DTNA: variants seen among roughly 807,000 people sequenced by gnomAD.
DTNA encodes the protein dystrophin-related protein 3.
Under a neutral mutation model 100.7 loss-of-function variants are expected in DTNA, and 43 were observed. The ratio of observed to expected loss-of-function variants is 0.43; its 90% CI spans 0.33 to 0.55. The LOEUF is 0.55. Among genes scored for constraint, DTNA ranks in the 20% least tolerant of loss-of-function variants. The pLI, the probability that DTNA is intolerant of heterozygous loss-of-function variation, is 0.04. For synonymous variants in DTNA, 349 were observed against 347.9 expected (o/e 1.00, Z -0.04); for missense variants, 798 against 953.9 (o/e 0.84, Z 2.15).
chr18:34,532,371 C>T (rs1229548155), intron 1 of DTNA, among the ~76,000 whole-genome samples: 7 of 152,032 alleles, frequency 4.6e-5, no homozygotes, highest in African/African-American at 1.7e-4. Flanking sequence ...TGCTTGGGCT[C>T]TTTTGTGGAA....
At chr18:34,715,523 T>G (rs1412784553) in intron 1 of DTNA, among the ~76,000 whole-genome samples, 5 of 152,104 alleles carry the variant, frequency 3.3e-5, no homozygotes, top group Non-Finnish European at 7.4e-5. Flanking sequence ...ATCTGAAACC[T>G]GTTAATTTTG....
intron 4 of DTNA, among the ~76,000 whole-genome samples, chr18:34,801,664 C>T (rs1481270631): frequency 6.6e-6 from 1 of 151,862 alleles, no homozygotes; most frequent in Non-Finnish European, 1.5e-5. Flanking sequence ...GTGCACACCA[C>T]CATGCCCGGC....
intron 1 of DTNA, among the ~76,000 whole-genome samples, chr18:34,542,209 A>T (rs1038457110): frequency 1.3e-5 from 2 of 152,094 alleles, no homozygotes; most frequent in Non-Finnish European, 2.9e-5. Flanking sequence ...GTAAGTGTCT[A>T]CTAAATTTAG....
intron 1 of DTNA, among the ~76,000 whole-genome samples, chr18:34,564,446 C>A (rs938943999): frequency 4.6e-5 from 7 of 152,166 alleles, no homozygotes; most frequent in African/African-American, 1.7e-4. Flanking sequence ...ACCTGGCCCC[C>A]ACACTTTTGA....
At chr18:34,811,934 A>T in intron 5 of DTNA, 25 bp from the exon 6 acceptor site, 1 of 1,613,686 alleles carries the variant, frequency 6.2e-7, no homozygotes, top group Non-Finnish European at 8.5e-7. Flanking sequence ...GTGATGAATA[A>T]TATCTTTCCT....
chr18:34,703,262 G>A (rs748311831), intron 1 of DTNA, among the ~76,000 whole-genome samples: 19 of 152,108 alleles, frequency 1.2e-4, no homozygotes, highest in African/African-American at 3.6e-4. Context: ...TTGAAAATTC[G>A]TCCTTGATGA....
chr18:34,669,028 T>G lies in DTNA; in HGVS notation c.-1-86948T>G, dbSNP rs145761941. 5.4e-3 allele frequency among the ~76,000 whole-genome samples: 817 copies of G among 152,306 alleles called. 10 individuals carry two copies. Among genetic ancestry groups the G allele is most frequent in the African/African-American group, 0.018 (768 of 41,550 alleles). Reference sequence around the variant, plus strand: ...TCTGTCTAATGTTGACAGTGGGGTATGAAAGTCTCCCATTATTATTGTGTG... The same window carrying G: ...TCTGTCTAATGTTGACAGTGGGGTAGGAAAGTCTCCCATTATTATTGTGTG... On this transcript the variant is annotated intron_variant, in intron 1 of 19. Transcript: ENST00000283365.
At position 34,890,250 on chromosome 18, in the gene DTNA, G is replaced by A. The variant is rs902584282; in HGVS notation, c.*2516G>A. On this transcript the variant is annotated 3_prime_UTR_variant, in exon 23 of 23. Coordinates refer to ENST00000444659, the MANE Select transcript of DTNA (RefSeq NM_001386795.1). ...AGCCATTGCAAGGACTCTGGAAACT[G>A]CCGCCAATGACCAATTTCTGACTAA... 11 of 1,514,750 alleles carry A rather than the reference G, an allele frequency of 7.3e-6. No homozygotes were observed. The highest frequency in any genetic ancestry group is 2.0e-5 in the Admixed American group (1 of 48,992). The allele number at this position is 1,514,750 out of a possible 1,614,324, so 93.8% of individuals were successfully genotyped here.
At chr18:34,590,329 A>G (rs950606736) in intron 1 of DTNA, among the ~76,000 whole-genome samples, 10 of 152,366 alleles carry the variant, frequency 6.6e-5, no homozygotes, top group Admixed American at 4.6e-4. Context: ...TTTAACAAAA[A>G]TCACAATTAT....
intron 1 of DTNA, among the ~76,000 whole-genome samples, chr18:34,584,599 G>A (rs1458118974): frequency 1.3e-5 from 2 of 152,118 alleles, no homozygotes; most frequent in East Asian, 1.9e-4. Context: ...TGAGTCTCAA[G>A]GTTAGTTTCA....
intron 1 of DTNA, among the ~76,000 whole-genome samples, chr18:34,701,979 G>A (rs2081436402): frequency 6.6e-6 from 1 of 152,118 alleles, no homozygotes; most frequent in African/African-American, 2.4e-5. Context: ...CAAAAGTTGT[G>A]TTTTATCACT....
At chr18:34,854,181 TG>T (rs1173410927) in intron 15 of DTNA, among the ~76,000 whole-genome samples, 3 of 152,196 alleles carry the variant, frequency 2.0e-5, no homozygotes, top group Non-Finnish European at 4.4e-5. Flanking sequence ...TCAAATGTAC[TG>T]ATACTTTACA....
intron 1 of DTNA, among the ~76,000 whole-genome samples, chr18:34,617,187 G>C (rs71363457): frequency 3.3e-5 from 5 of 152,108 alleles, no homozygotes; most frequent in Admixed American, 6.5e-5. Flanking sequence ...GTGGGCATCC[G>C]TGTCTTCTTC....
At chr18:34,597,014 C>T (rs1379020402) in intron 1 of DTNA, among the ~76,000 whole-genome samples, 1 of 152,068 alleles carries the variant, frequency 6.6e-6, no homozygotes, top group Non-Finnish European at 1.5e-5. Flanking sequence ...CCCCCAATTC[C>T]CTGACAGGCC....
intron 1 of DTNA, among the ~76,000 whole-genome samples, chr18:34,544,197 G>A (rs372848820): frequency 1.8e-4 from 28 of 151,938 alleles, no homozygotes; most frequent in African/African-American, 6.8e-4. Flanking sequence ...CAGAGGTTGG[G>A]CAAGCCTGGG....
chr18:34,830,966 T>C (rs2149596517), intron 11 of DTNA, among the ~76,000 whole-genome samples: 1 of 152,310 alleles, frequency 6.6e-6, no homozygotes. Context: ...TTATTATTAT[T>C]GCAGATATTA....
intron 1 of DTNA, among the ~76,000 whole-genome samples, chr18:34,698,783 T>G (rs2080964903): frequency 6.6e-6 from 1 of 152,076 alleles, no homozygotes; most frequent in Non-Finnish European, 1.5e-5. Flanking sequence ...CTTTCCACGT[T>G]CTTTTGCCTG....
intron 5 of DTNA, among the ~76,000 whole-genome samples, chr18:34,806,706 C>A (rs146420209): frequency 3.1e-4 from 47 of 152,280 alleles, no homozygotes; most frequent in African/African-American, 1.1e-3. Context: ...TTCTTCTCAG[C>A]CAGCACTGTT....
intron 1 of DTNA, among the ~76,000 whole-genome samples, chr18:34,516,584 C>T (rs767809525): frequency 1.3e-5 from 2 of 152,100 alleles, no homozygotes; most frequent in Non-Finnish European, 2.9e-5. Flanking sequence ...ACTCCCAGAG[C>T]GGCCATTTCA....
Sources: allele counts gnomAD v4.1 joint callset (sites outside exome capture counted in the v4.1 genomes callset), GRCh38; gene constraint gnomAD v4.1.1; transcripts MANE v1.5; gene names NCBI Gene and HGNC (gene_info 2026-07-23, HGNC 2026-07-21).